The following ATAD2B variants were observed in gnomAD, a reference collection of about 807,000 sequenced individuals.
ATAD2B encodes the protein ATPase family AAA domain containing 2B.
A neutral mutation model predicts 167.6 loss-of-function variants in ATAD2B; 40 were observed. The observed-to-expected ratio is 0.24, with a 90% CI of 0.19 to 0.31. The LOEUF is 0.31. ATAD2B is among the 10% of genes least tolerant of loss of function. ATAD2B has a pLI of 1.00. For missense variants in ATAD2B, 1,242 were observed against 1,757.2 expected, an observed-to-expected ratio of 0.71 and a Z score of 5.24; for synonymous variants, 579 against 596.5, an observed-to-expected ratio of 0.97 and a Z score of 0.43.
the ATAD2B span, among the ~76,000 whole-genome samples, chr2:23,681,427 G>C: frequency 1.3e-5 from 2 of 152,246 alleles, no homozygotes; most frequent in East Asian, 3.9e-4. The surrounding 1 kb of genome is among the most constrained non-coding windows in gnomAD (Gnocchi z 4.2). Context: ...CCGGGGCTGG[G>C]GCTTTAGATA....
At chr2:23,758,846 T>C (rs1477618313) in intron 24 of ATAD2B, among the ~76,000 whole-genome samples, 1 of 152,152 alleles carries the variant, frequency 6.6e-6, no homozygotes, top group Non-Finnish European at 1.5e-5. Context: ...TGGTCACTTA[T>C]GTGAAAAGGG....
At chr2:23,907,615 CTACTT>C (rs770013202) in intron 1 of ATAD2B, among the ~76,000 whole-genome samples, 8 of 152,190 alleles carry the variant, frequency 5.3e-5, no homozygotes, top group Admixed American at 3.9e-4. Flanking sequence ...TTGGAAAAAA[CTACTT>C]TAAAGTTTTT....
rs1471390692 is a variant in ATAD2B, at chr2:23,892,534, C to G, written c.368+3285G>C. On this transcript the variant is annotated intron_variant, in intron 2 of 27. Coordinates refer to ENST00000238789, the MANE Select transcript of ATAD2B (RefSeq NM_017552.4). ...TCATCCAGGCTAGAGTGCAGTGGTA[C>G]GATCTCAGCTAACTGCAACCTCTGT... 2.0e-5 allele frequency among the ~76,000 whole-genome samples: 3 copies of G among 149,602 alleles called. No homozygotes were observed. The Admixed American group carries it at 2.0e-4, about 10-fold the overall frequency.
chr2:23,921,638 T>A (rs899188931), intron 1 of ATAD2B, among the ~76,000 whole-genome samples: 1 of 152,212 alleles, frequency 6.6e-6, no homozygotes, highest in East Asian at 1.9e-4. Context: ...TGCGTGTATA[T>A]CTGGACTACA....
At chr2:23,812,899 A>G (rs2149559565) in intron 17 of ATAD2B, among the ~76,000 whole-genome samples, 2 of 151,372 alleles carry the variant, frequency 1.3e-5, no homozygotes. Context: ...AACATGTTTT[A>G]GTAACAAGCA....
At chr2:23,875,117 T>C (rs1696633919) in intron 8 of ATAD2B, among the ~76,000 whole-genome samples, 1 of 151,618 alleles carries the variant, frequency 6.6e-6, no homozygotes. Flanking sequence ...GAATGGATGC[T>C]TCAAATGAAA....
At chr2:23,754,026 TA>T (rs1572624051) in intron 27 of ATAD2B, among the ~76,000 whole-genome samples, 152 bp downstream of exon 27, 1 of 152,204 alleles carries the variant, frequency 6.6e-6, no homozygotes, top group East Asian at 1.9e-4. Flanking sequence ...CTTCAAACTG[TA>T]ACTCTTAATG....
At chr2:23,905,743 T>C (rs1275736889) in intron 1 of ATAD2B, among the ~76,000 whole-genome samples, 1 of 152,190 alleles carries the variant, frequency 6.6e-6, no homozygotes, top group African/African-American at 2.4e-5. Context: ...ATAGAATTAA[T>C]GTAACTTCAT....
At chr2:23,705,390 G>C in the ATAD2B span, among the ~76,000 whole-genome samples, 1 of 152,142 alleles carries the variant, frequency 6.6e-6, no homozygotes, top group Non-Finnish European at 1.5e-5. Context: ...AACTCAGGAG[G>C]CTGAGGCAGG....
the ATAD2B span, among the ~76,000 whole-genome samples, chr2:23,734,620 A>G: frequency 6.6e-6 from 1 of 152,180 alleles, no homozygotes. Flanking sequence ...GAAGAGAGAG[A>G]TAAGTGGGAG....
chr2:23,804,347 G>A (rs1475145901), intron 18 of ATAD2B, among the ~76,000 whole-genome samples: 1 of 152,094 alleles, frequency 6.6e-6, no homozygotes, highest in East Asian at 1.9e-4. Flanking sequence ...ATAGAGGGTG[G>A]GTGTCTGCTA....
At chr2:23,784,070 G>T (rs1680455857) in intron 21 of ATAD2B, among the ~76,000 whole-genome samples, 1 of 152,010 alleles carries the variant, frequency 6.6e-6, no homozygotes, top group Non-Finnish European at 1.5e-5. Context: ...CTATAAGGGA[G>T]GTAGCAGAGT....
intron 1 of ATAD2B, among the ~76,000 whole-genome samples, chr2:23,915,249 C>A (rs935681273): frequency 1.3e-5 from 2 of 151,958 alleles, no homozygotes; most frequent in Non-Finnish European, 2.9e-5. Flanking sequence ...TATATATAAA[C>A]CAACACAGTA....
At chr2:23,713,490 G>T in the ATAD2B span, among the ~76,000 whole-genome samples, 1 of 151,410 alleles carries the variant, frequency 6.6e-6, no homozygotes, top group African/African-American at 2.4e-5. Flanking sequence ...GTATATTCAC[G>T]AATTGAGCAA....
At chr2:23,890,791 A>G (rs1699362966) in intron 2 of ATAD2B, among the ~76,000 whole-genome samples, 1 of 152,224 alleles carries the variant, frequency 6.6e-6, no homozygotes, top group South Asian at 2.1e-4. Context: ...TCATTGGGGA[A>G]AAAAGCACAA....
At chr2:23,770,159 A>G (rs1678102694) in intron 22 of ATAD2B, among the ~76,000 whole-genome samples, 1 of 151,674 alleles carries the variant, frequency 6.6e-6, no homozygotes, top group African/African-American at 2.4e-5. Flanking sequence ...AAAATACAAA[A>G]AAAAAAAATA....
chr2:23,709,591 C>T, the ATAD2B span, among the ~76,000 whole-genome samples: 22,541 of 151,280 alleles, frequency 0.15, 2,126 homozygotes, highest in Non-Finnish European at 0.2. Flanking sequence ...TGTGAAGAGC[C>T]TCACACCATT....
chr2:23,693,406 A>G, the ATAD2B span: 1 of 1,551,736 alleles, frequency 6.4e-7, no homozygotes, highest in Non-Finnish European at 8.7e-7. Flanking sequence ...GGAGATCCTC[A>G]GCATCTCCAA....
downstream of ATAD2B, among the ~76,000 whole-genome samples, chr2:23,744,906 ATTG>A (rs1390965059): frequency 6.6e-6 from 1 of 152,150 alleles, no homozygotes; most frequent in African/African-American, 2.4e-5. Flanking sequence ...AGTATGACAA[ATTG>A]TTAACATTTA....
Sources: allele counts gnomAD v4.1 joint callset (sites outside exome capture counted in the v4.1 genomes callset), GRCh38; gene constraint gnomAD v4.1.1; non-coding constraint Gnocchi (gnomAD v3.1); transcripts MANE v1.5; gene names NCBI Gene and HGNC (gene_info 2026-07-23, HGNC 2026-07-21).